ADAMTSL3: variants seen among roughly 807,000 people sequenced by gnomAD.
The protein encoded by ADAMTSL3 is ADAMTS-like protein 3.
ADAMTSL3 carries 128 observed loss-of-function variants against 201.7 expected under a neutral mutation model. The ratio of observed to expected loss-of-function variants is 0.63; its 90% CI spans 0.55 to 0.73. The LOEUF (loss-of-function observed/expected upper bound fraction) is 0.73, where lower values mean the gene tolerates loss of function less well. Ranked by LOEUF, ADAMTSL3 falls within the 30% of genes least tolerant of loss-of-function variation. The probability of loss-of-function intolerance (pLI) is 0.00; values close to 1 mark genes in which losing one functional copy is unlikely to be tolerated. For synonymous variants in ADAMTSL3, 738 were observed against 748.4 expected (o/e 0.99, Z 0.23); for missense variants, 1,990 against 2,119.6 (o/e 0.94, Z 1.20).
chr15:84,002,407 C>T (rs570404954), intron 23 of ADAMTSL3, among the ~76,000 whole-genome samples: 2 of 152,300 alleles, frequency 1.3e-5, no homozygotes, highest in South Asian at 4.2e-4. Flanking sequence ...TCTTCAGTGC[C>T]ACCAGTACAT....
At chr15:83,781,831 T>C (rs1159518299) in intron 4 of ADAMTSL3, among the ~76,000 whole-genome samples, 1 of 152,220 alleles carries the variant, frequency 6.6e-6, no homozygotes, top group Non-Finnish European at 1.5e-5. Flanking sequence ...AAGCTCATAA[T>C]TGATCATTAG....
intron 15 of ADAMTSL3, among the ~76,000 whole-genome samples, chr15:83,904,457 T>A (rs1596382912): frequency 6.6e-6 from 1 of 152,122 alleles, no homozygotes; most frequent in Non-Finnish European, 1.5e-5. Context: ...TTTACATCCC[T>A]CCAGTAGAGC....
Position 83,902,293 on chromosome 15 carries a change from CAG to C in ADAMTSL3, c.1700+2565_1700+2566del, listed in dbSNP as rs2065741309. 2.0e-5 allele frequency among the ~76,000 whole-genome samples: 3 copies of C among 152,166 alleles called. No homozygotes were observed. In the South Asian group the frequency reaches 6.2e-4, roughly 32 times the overall value. ...TCTAATTCTTTTTGTTTTGTTGAAACAGAGTCTCACTCTGTTGCCCAGGCTGG... is the reference window on the plus strand; with the variant it reads ...TCTAATTCTTTTTGTTTTGTTGAAACAGTCTCACTCTGTTGCCCAGGCTGG... On this transcript the variant is annotated intron_variant, in intron 15 of 29. Transcript: ENST00000286744.
chr15:83,877,163 C>A (rs185380037), intron 9 of ADAMTSL3, among the ~76,000 whole-genome samples: 2,367 of 152,260 alleles, frequency 0.016, 66 homozygotes, highest in African/African-American at 0.054. Context: ...TGGTCTCAAA[C>A]TCCTGAGCTC....
chr15:83,989,494 T>TCAACAAAAAA (rs1229482753), intron 22 of ADAMTSL3, among the ~76,000 whole-genome samples: 1 of 152,148 alleles, frequency 6.6e-6, no homozygotes, highest in Non-Finnish European at 1.5e-5. Flanking sequence ...GTTCCATCAG[T>TCAACAAAAAA]CAACAAAAAA....
intron 15 of ADAMTSL3, among the ~76,000 whole-genome samples, chr15:83,907,881 A>G (rs536819494): frequency 6.6e-6 from 1 of 152,200 alleles, no homozygotes; most frequent in African/African-American, 2.4e-5. Flanking sequence ...TTATTTTCCT[A>G]TGAGTAAATA....
chr15:83,856,195 T>G (rs2141763874), intron 7 of ADAMTSL3, among the ~76,000 whole-genome samples: 1 of 145,530 alleles, frequency 6.9e-6, no homozygotes, highest in Non-Finnish European at 1.5e-5. Flanking sequence ...TGAGACAAGC[T>G]CTCACTGTGT....
At chr15:83,914,753 C>T (rs1231021965) in intron 16 of ADAMTSL3, among the ~76,000 whole-genome samples, 1 of 152,266 alleles carries the variant, frequency 6.6e-6, no homozygotes, top group Non-Finnish European at 1.5e-5. Context: ...CCCACACTGC[C>T]TTGTGTCTGT....
intron 24 of ADAMTSL3, among the ~76,000 whole-genome samples, chr15:84,016,007 T>A (rs1156311431): frequency 6.6e-6 from 1 of 152,202 alleles, no homozygotes; most frequent in Non-Finnish European, 1.5e-5. Context: ...CATGCAAACC[T>A]AGGGAACATT....
intron 3 of ADAMTSL3, among the ~76,000 whole-genome samples, chr15:83,768,641 T>C (rs1223573976): frequency 2.0e-5 from 3 of 152,214 alleles, no homozygotes; most frequent in Non-Finnish European, 4.4e-5. Context: ...ATCAAGGCTC[T>C]GTCCACTGCT....
intron 2 of ADAMTSL3, among the ~76,000 whole-genome samples, chr15:83,674,345 A>G (rs2061365356): frequency 6.6e-6 from 1 of 152,042 alleles, no homozygotes. Flanking sequence ...ATGATGTCCA[A>G]TTGCACCATC....
chr15:84,025,117 A>T, intron 26 of ADAMTSL3, 121 bp from the exon 27 acceptor site: 1 of 767,848 alleles, frequency 1.3e-6, no homozygotes, highest in South Asian at 2.0e-5. Context: ...CCATTCCCAT[A>T]GAGACATGTG....
intron 4 of ADAMTSL3, among the ~76,000 whole-genome samples, chr15:83,783,994 T>C (rs947403345): frequency 1.3e-5 from 2 of 152,114 alleles, no homozygotes; most frequent in African/African-American, 4.8e-5. Flanking sequence ...AGTTGCTGCT[T>C]TAGACCTATT....
chr15:83,929,686 A>G (rs2066316453), intron 17 of ADAMTSL3, among the ~76,000 whole-genome samples: 1 of 150,642 alleles, frequency 6.6e-6, no homozygotes. Context: ...TCTACCACAC[A>G]CACACACACA....
intron 3 of ADAMTSL3, among the ~76,000 whole-genome samples, chr15:83,767,341 C>T (rs556297947): frequency 6.6e-6 from 1 of 152,284 alleles, no homozygotes; most frequent in South Asian, 2.1e-4. Flanking sequence ...CAGATTCTGG[C>T]CCCAGACAGG....
chr15:83,859,088 A>G (rs949758041), intron 8 of ADAMTSL3, among the ~76,000 whole-genome samples: 9 of 152,236 alleles, frequency 5.9e-5, no homozygotes, highest in Non-Finnish European at 1.0e-4. Flanking sequence ...CAAACAGCTC[A>G]TGCTTAAGAC....
intron 23 of ADAMTSL3, among the ~76,000 whole-genome samples, chr15:84,003,629 C>T (rs1235280577): frequency 1.3e-5 from 2 of 152,126 alleles, no homozygotes; most frequent in African/African-American, 2.4e-5. Context: ...CTTTTCATAC[C>T]AGGCAGTAAA....
At chr15:83,692,870 C>A (rs920704543) in intron 2 of ADAMTSL3, among the ~76,000 whole-genome samples, 2 of 151,982 alleles carry the variant, frequency 1.3e-5, no homozygotes, top group African/African-American at 2.4e-5. Flanking sequence ...CTGTCTTTTT[C>A]TTCTCTTGGA....
At chr15:83,829,998 A>G (rs1194084513) in intron 6 of ADAMTSL3, among the ~76,000 whole-genome samples, 2 of 152,216 alleles carry the variant, frequency 1.3e-5, no homozygotes, top group Admixed American at 6.5e-5. Flanking sequence ...AAGAATGTAT[A>G]TTCTGTTGAT....
Sources: gnomAD v4.1 joint callset for allele counts (sites outside exome capture counted in the v4.1 genomes callset) on GRCh38, gnomAD v4.1.1 for gene constraint, MANE v1.5 for transcripts, NCBI Gene and HGNC (gene_info 2026-07-23, HGNC 2026-07-21) for gene names.